STPG2: variants seen among roughly 807,000 people sequenced by gnomAD.
STPG2 encodes sperm tail PG-rich repeat containing 2, also known as sperm-tail PG-rich repeat-containing protein 2.
Under a neutral mutation model 54.2 loss-of-function variants are expected in STPG2, and 56 were observed. That is an observed-to-expected ratio of 1.03 (90% CI 0.83 to 1.29). The LOEUF (loss-of-function observed/expected upper bound fraction) is 1.29. Ranked by LOEUF, STPG2 falls within the 50% of genes most tolerant of loss-of-function variation. The pLI is 0.00. For missense variants in STPG2, 596 were observed against 544.9 expected, an observed-to-expected ratio of 1.09 and a Z score of -0.93; for synonymous variants, 200 against 181.8, an observed-to-expected ratio of 1.10 and a Z score of -0.81.
chr4:97,783,983 G>C (rs1726740631), intron 9 of STPG2, among the ~76,000 whole-genome samples: 1 of 151,430 alleles, frequency 6.6e-6, no homozygotes, highest in Non-Finnish European at 1.5e-5. Context: ...CGAGTTAATG[G>C]GGGCAGCACA....
chr4:97,802,920 A>C (rs1212988955), intron 9 of STPG2, among the ~76,000 whole-genome samples: 1 of 152,156 alleles, frequency 6.6e-6, no homozygotes. Flanking sequence ...CTTCCTTTAT[A>C]ATTTGCAAAG....
intron 5 of STPG2, among the ~76,000 whole-genome samples, chr4:98,101,845 C>A (rs1739045605): frequency 6.6e-6 from 1 of 151,634 alleles, no homozygotes; most frequent in Admixed American, 6.6e-5. Flanking sequence ...GCCATGAATC[C>A]CCTTATGATT....
At chr4:97,997,251 T>C (rs1397103450) in intron 5 of STPG2, among the ~76,000 whole-genome samples, 2 of 152,170 alleles carry the variant, frequency 1.3e-5, no homozygotes, top group Non-Finnish European at 2.9e-5. Flanking sequence ...AATGAAATTC[T>C]TGAGTAATTT....
At chr4:97,805,604 A>G (rs1196488991) in intron 9 of STPG2, among the ~76,000 whole-genome samples, 1 of 152,164 alleles carries the variant, frequency 6.6e-6, no homozygotes, top group African/African-American at 2.4e-5. Flanking sequence ...TCCCCACTTA[A>G]GAATGGGGTT....
At chr4:98,119,888 T>A (rs952699074) in intron 3 of STPG2, among the ~76,000 whole-genome samples, 1 of 152,170 alleles carries the variant, frequency 6.6e-6, no homozygotes, top group Non-Finnish European at 1.5e-5. Context: ...TCCAGCTCCA[T>A]CCATGTCCCT....
chr4:97,548,348 C>T (rs1375576906), intron 4 of STPG2, among the ~76,000 whole-genome samples: 3 of 151,990 alleles, frequency 2.0e-5, no homozygotes, highest in Non-Finnish European at 2.9e-5. Context: ...GTCATGAAAG[C>T]TGAAACAAAA....
intron 4 of STPG2, among the ~76,000 whole-genome samples, chr4:97,478,809 G>T (rs1730141995): frequency 6.6e-6 from 1 of 150,742 alleles, no homozygotes; most frequent in Non-Finnish European, 1.5e-5. Context: ...TTACTAATTT[G>T]TTAAATTGAT....
At chr4:98,003,734 C>T (rs555738888) in intron 5 of STPG2, among the ~76,000 whole-genome samples, 1 of 152,120 alleles carries the variant, frequency 6.6e-6, no homozygotes, top group African/African-American at 2.4e-5. Flanking sequence ...ATTCATTATC[C>T]ATACTTTAAA....
At chr4:97,962,823 T>C (rs1282716372) in intron 7 of STPG2, among the ~76,000 whole-genome samples, 1 of 152,198 alleles carries the variant, frequency 6.6e-6, no homozygotes, top group African/African-American at 2.4e-5. Context: ...ATCATGCTAA[T>C]AATCACTGTG....
intron 5 of STPG2, among the ~76,000 whole-genome samples, chr4:98,043,840 G>A (rs1229961608): frequency 6.6e-6 from 1 of 151,986 alleles, no homozygotes; most frequent in Admixed American, 6.6e-5. Flanking sequence ...TGTCATGGGA[G>A]TATGTTGTAC....
intron 8 of STPG2, among the ~76,000 whole-genome samples, chr4:97,867,041 T>C (rs1729812672): frequency 6.6e-6 from 1 of 151,988 alleles, no homozygotes; most frequent in South Asian, 2.1e-4. Context: ...GCAGTTCCCA[T>C]GCTAGCCCAG....
In STPG2 at chr4:97,964,805, G is replaced by A. The variant is rs116443204; in HGVS notation, c.933+7475C>T. On this transcript the variant is annotated intron_variant, in intron 7 of 10. Coordinates refer to ENST00000295268, the MANE Select transcript of STPG2 (RefSeq NM_174952.3). ...ACAAAATTCAGTTATTACTTGTACT[G>A]AATTGAAATATGAATCTCTGCAGTT... Among the ~76,000 whole-genome samples the A allele has an allele frequency of 2.0e-5, 3 of 152,208 alleles. No individual in the cohort carries two copies. In the South Asian group the frequency reaches 6.2e-4, roughly 32 times the overall value.
chr4:98,017,730 T>C (rs565761192), intron 5 of STPG2, among the ~76,000 whole-genome samples: 2 of 152,188 alleles, frequency 1.3e-5, no homozygotes, highest in Admixed American at 6.5e-5. Context: ...TCATCTCAAA[T>C]TGTAATTCTC....
chr4:98,017,318 A>G (rs1735988243), intron 5 of STPG2, among the ~76,000 whole-genome samples: 3 of 152,218 alleles, frequency 2.0e-5, no homozygotes, highest in Non-Finnish European at 2.9e-5. Flanking sequence ...TGGAGCCTGT[A>G]CCCACTGATG....
intron 10 of STPG2, among the ~76,000 whole-genome samples, chr4:97,701,256 T>C (rs1329309119): frequency 6.6e-6 from 1 of 152,130 alleles, no homozygotes; most frequent in African/African-American, 2.4e-5. Flanking sequence ...ATCCTGGCAC[T>C]GGGAAAATGA....
chr4:98,109,186 T>TA lies in STPG2; in HGVS notation c.500+6dup. 6.7e-7 allele frequency: 1 copy of TA among 1,499,246 alleles called. No individual in the cohort carries two copies. Among genetic ancestry groups the TA allele is most frequent in the South Asian group, 1.3e-5 (1 of 76,754 alleles). 92.9% of individuals were successfully genotyped at this position (1,499,246 alleles called of 1,614,324 possible). A position where few individuals can be genotyped will look rare whatever the true frequency, so the allele number is the denominator to read the frequency against. ...ACATTAAAGGTATACTATATTTTTT[T>TA]ACTTACTGGACTATATCATACTGTC... is the stretch of plus-strand genomic sequence containing the variant. On this transcript the variant is annotated splice_region_variant and intron_variant, in intron 4 of 10. Coordinates refer to ENST00000295268, the MANE Select transcript of STPG2 (RefSeq NM_174952.3).
intron 5 of STPG2, among the ~76,000 whole-genome samples, chr4:98,085,452 AC>A (rs1738476613): frequency 6.6e-6 from 1 of 151,790 alleles, no homozygotes; most frequent in South Asian, 2.1e-4. Flanking sequence ...TGATACTATT[AC>A]ATTGAATCCG....
At chr4:97,560,104 TGA>T (rs1732186171) in intron 10 of STPG2, among the ~76,000 whole-genome samples, 2 of 152,182 alleles carry the variant, frequency 1.3e-5, no homozygotes, top group Non-Finnish European at 1.5e-5. Flanking sequence ...ATTCCCATGA[TGA>T]CCCTTAGGAT....
intron 9 of STPG2, among the ~76,000 whole-genome samples, chr4:97,747,423 G>A (rs755829850): frequency 6.6e-6 from 1 of 151,324 alleles, no homozygotes; most frequent in Non-Finnish European, 1.5e-5. Flanking sequence ...TTTTTTAAGA[G>A]AATCAAAGAG....
Sources: gnomAD v4.1 joint callset for allele counts (sites outside exome capture counted in the v4.1 genomes callset) on GRCh38, gnomAD v4.1.1 for gene constraint, MANE v1.5 for transcripts, NCBI Gene and HGNC (gene_info 2026-07-23, HGNC 2026-07-21) for gene names.